Variants in AFF2 observed in about 807,000 individuals in gnomAD.
The protein encoded by AFF2 is AF4/FMR2 family member 2.
A neutral mutation model predicts 76.9 loss-of-function variants in AFF2; 14 were observed. That is an observed-to-expected ratio of 0.18 (90% CI 0.12 to 0.28). The LOEUF (loss-of-function observed/expected upper bound fraction) is 0.28. Among genes scored for constraint, AFF2 ranks in the 10% least tolerant of loss-of-function variants. The pLI, the probability that AFF2 is intolerant of heterozygous loss-of-function variation, is 1.00. For missense variants in AFF2, 868 were observed against 1,001.1 expected, an observed-to-expected ratio of 0.87 and a Z score of 1.79; for synonymous variants, 398 against 366.7, an observed-to-expected ratio of 1.09 and a Z score of -0.98.
intron 1 of AFF2, among the ~76,000 whole-genome samples, chrX:148,592,487 T>TAA (rs11357532): frequency 2.7e-3 from 255 of 92,779 alleles, no homozygotes; most frequent in African/African-American, 9.2e-3. Flanking sequence ...AGGCCTGCTA[T>TAA]AAAAAAAAAA....
At chrX:148,737,041 G>C (rs782447581) in intron 3 of AFF2, among the ~76,000 whole-genome samples, 14 of 111,637 alleles carry the variant, frequency 1.3e-4, no homozygotes, top group African/African-American at 3.9e-4. Context: ...CTTGAAATCA[G>C]GTAGTGTGAT....
chrX:148,610,133 G>T (rs960723339), intron 1 of AFF2, among the ~76,000 whole-genome samples: 4 of 111,710 alleles, frequency 3.6e-5, no homozygotes, highest in African/African-American at 6.5e-5. Flanking sequence ...GAGAGAGAGG[G>T]GGGTGGAAGA....
Position 148,549,166 on chromosome X carries a change from C to T in AFF2, c.47+48022C>T, listed in dbSNP as rs186978069. ...GAGGTGGGGCTATGTCAACTATTTC[C>T]GCATCCCATTCCTTGCTTGGAAATA... On this transcript the variant is annotated intron_variant, in intron 1 of 20. Transcript: ENST00000370460. 1.2e-4 allele frequency among the ~76,000 whole-genome samples: 13 copies of T among 111,862 alleles called. No homozygotes were observed. The East Asian group carries it at 2.5e-3, about 22-fold the overall frequency.
At chrX:148,950,381 G>A (rs917657231) in intron 9 of AFF2, among the ~76,000 whole-genome samples, 14 of 111,826 alleles carry the variant, frequency 1.3e-4, no homozygotes, top group African/African-American at 4.5e-4. Context: ...GAGCAATTTT[G>A]CCTCCATTTA....
chrX:148,906,978 C>A (rs1241793032), intron 9 of AFF2, among the ~76,000 whole-genome samples: 1 of 111,632 alleles, frequency 9.0e-6, no homozygotes, highest in Non-Finnish European at 1.9e-5. Context: ...CCACGGTTCT[C>A]TTCCATGACT....
intron 7 of AFF2, among the ~76,000 whole-genome samples, chrX:148,878,868 T>C (rs2071065138): frequency 8.9e-6 from 1 of 112,440 alleles, no homozygotes; most frequent in South Asian, 3.7e-4. Context: ...TATTAGGCAC[T>C]TTGTCATTTG....
At chrX:148,971,710 G>T (rs2072254799) in intron 15 of AFF2, among the ~76,000 whole-genome samples, 1 of 99,731 alleles carries the variant, frequency 1.0e-5, no homozygotes, top group Non-Finnish European at 2.0e-5. Context: ...AATTAGACAG[G>T]CTTTTTCAAT....
intron 9 of AFF2, among the ~76,000 whole-genome samples, chrX:148,940,319 G>A (rs1163561999): frequency 1.8e-5 from 2 of 111,971 alleles, no homozygotes; most frequent in Non-Finnish European, 3.8e-5. Context: ...GGACCCTGTA[G>A]CATTGTGATT....
Position 148,956,322 on chromosome X carries a change from A to T in AFF2, c.2277A>T (p.Leu759Phe). Residue 759 changes from leucine (L) to phenylalanine (F), a missense_variant, in exon 11 of 21, where the codon TTA becomes TTT. Coordinates refer to ENST00000370460, the MANE Select transcript of AFF2 (RefSeq NM_002025.4). ...ICGASLTLSTLMSSSGSNNNL... is the reference protein window; with the variant it reads ...ICGASLTLSTFMSSSGSNNNL... ...GTGCCAGCCTGACCCTCAGCACCTTAATGAGTAGCAGTGGCAGCAACAACA... is the reference window on the plus strand; with the variant it reads ...GTGCCAGCCTGACCCTCAGCACCTTTATGAGTAGCAGTGGCAGCAACAACA... The T allele has an allele frequency of 1.7e-6, 2 of 1,211,777 alleles. No homozygotes were observed. The highest frequency in any genetic ancestry group is 1.7e-5 in the African/African-American group (1 of 57,757).
intron 1 of AFF2, among the ~76,000 whole-genome samples, chrX:148,613,413 C>A (rs2053753075): frequency 9.0e-6 from 1 of 111,615 alleles, no homozygotes; most frequent in African/African-American, 3.3e-5. Context: ...TGTGAAATTG[C>A]TTGTCTACGG....
chrX:148,800,519 GTTT>G (rs1322078960), intron 3 of AFF2, among the ~76,000 whole-genome samples: 1 of 112,038 alleles, frequency 8.9e-6, no homozygotes, highest in East Asian at 2.8e-4. Flanking sequence ...GACCATTGTA[GTTT>G]CTTTAGGGCG....
intron 7 of AFF2, among the ~76,000 whole-genome samples, chrX:148,869,860 A>G (rs1557277184): frequency 1.8e-5 from 2 of 111,441 alleles, no homozygotes; most frequent in Non-Finnish European, 3.8e-5. Flanking sequence ...GTCTCTTCAC[A>G]TACTCATCCT....
intron 3 of AFF2, among the ~76,000 whole-genome samples, chrX:148,685,259 G>A (rs2054590066): frequency 8.9e-6 from 1 of 112,005 alleles, no homozygotes; most frequent in Non-Finnish European, 1.9e-5. Flanking sequence ...GGAGATGGAA[G>A]GAAGAACAAT....
At position 148,636,954 on chromosome X, in the gene AFF2, C is replaced by G. The variant is rs781896014; in HGVS notation, c.48-15045C>G. 4.0e-4 allele frequency among the ~76,000 whole-genome samples: 45 copies of G among 112,063 alleles called. 1 individual carries two copies. Among genetic ancestry groups the G allele is most frequent in the Admixed American group, 4.0e-3 (42 of 10,518 alleles). On this transcript the variant is annotated intron_variant, in intron 1 of 20. Coordinates refer to ENST00000370460, the MANE Select transcript of AFF2 (RefSeq NM_002025.4). ...ACTTCATCTTGTAAAAGGCAATTTA[C>G]ATTAATCCCGGAATAGTGCTTAGGA...
At position 148,955,786 on chromosome X, in the gene AFF2, G is replaced by A. The variant is rs978266833; in HGVS notation, c.1741G>A (p.Ala581Thr). The change falls in exon 11 of 21, where the codon GCT (alanine) becomes ACT (threonine). Residue 581 changes from alanine to threonine, a missense_variant. Physicochemically the swap from Ala to Thr is moderately conservative, Grantham distance 58 (BLOSUM62 0). Transcript: ENST00000370460. ...KVKTNASQVPAEPKERPLLSL... is the reference protein window; with the variant it reads ...KVKTNASQVPTEPKERPLLSL... ...GAAGACGAATGCCAGTCAGGTCCCA[G>A]CTGAACCCAAAGAAAGGCCTCTCCT... 8.3e-7 allele frequency: 1 copy of A among 1,211,713 alleles called. No individual in the cohort carries two copies. Among genetic ancestry groups the A allele is most frequent in the Admixed American group, 2.2e-5 (1 of 46,037 alleles).
chrX:148,768,784 G>A (rs1215351401), intron 3 of AFF2, among the ~76,000 whole-genome samples: 1 of 111,845 alleles, frequency 8.9e-6, no homozygotes, highest in Admixed American at 9.5e-5. Flanking sequence ...ACATGTTTTT[G>A]TTCATTGTTT....
chrX:148,954,853 A>G (rs2072013078), intron 10 of AFF2, among the ~76,000 whole-genome samples: 1 of 112,023 alleles, frequency 8.9e-6, no homozygotes, highest in Admixed American at 9.5e-5. Flanking sequence ...GGCTGGTACC[A>G]TAAGCCTCAG....
At chrX:148,555,712 T>A (rs782216436) in intron 1 of AFF2, among the ~76,000 whole-genome samples, 7 of 112,289 alleles carry the variant, frequency 6.2e-5, no homozygotes, top group Non-Finnish European at 9.4e-5. Context: ...TCCCATCCCA[T>A]TTTTGTCATC....
At chrX:148,740,544 T>C (rs1387610558) in intron 3 of AFF2, among the ~76,000 whole-genome samples, 1 of 112,273 alleles carries the variant, frequency 8.9e-6, no homozygotes, top group Non-Finnish European at 1.9e-5. Flanking sequence ...TGAATACTTC[T>C]CCCTTCACTT....
Sources: gnomAD v4.1 joint callset for allele counts (sites outside exome capture counted in the v4.1 genomes callset) on GRCh38, gnomAD v4.1.1 for gene constraint, MANE v1.5 for transcripts, NCBI Gene and HGNC (gene_info 2026-07-23, HGNC 2026-07-21) for gene names.